The following ZNF451 variants were observed in gnomAD, a reference collection of about 807,000 sequenced individuals.
ZNF451 encodes zinc finger protein 451.
ZNF451 carries 80 observed loss-of-function variants against 107.1 expected under a neutral mutation model. The ratio of observed to expected loss-of-function variants is 0.75; its 90% CI spans 0.62 to 0.90. The LOEUF (loss-of-function observed/expected upper bound fraction) is 0.90, where lower values mean the gene tolerates loss of function less well. ZNF451 is among the 40% of genes least tolerant of loss of function. The pLI, the probability that ZNF451 is intolerant of heterozygous loss-of-function variation, is 0.00. For synonymous variants in ZNF451, 362 were observed against 406.5 expected (o/e 0.89, Z 1.32); for missense variants, 1,107 against 1,236.2 (o/e 0.90, Z 1.57).
intron 14 of ZNF451, among the ~76,000 whole-genome samples, chr6:57,163,052 A>C (rs993703373): frequency 6.6e-6 from 1 of 152,196 alleles, no homozygotes; most frequent in South Asian, 2.1e-4. Context: ...TGTGAGAAGC[A>C]TATGGTGGTT....
At chr6:57,165,464 T>C (rs192490601) in intron 14 of ZNF451, 5 of 151,880 alleles carry the variant, frequency 3.3e-5, no homozygotes, top group Admixed American at 6.5e-5. Context: ...TTGATTGATT[T>C]AGACTGAACT....
intron 3 of ZNF451, chr6:57,101,824 A>G: frequency 1.3e-6 from 2 of 1,550,508 alleles, no homozygotes; most frequent in Non-Finnish European, 1.7e-6. Flanking sequence ...CACTAAGAAA[A>G]CCCAGGAGAA....
At chr6:57,138,739 ATATGTGTGTGTGTG>A (rs1380653195) in intron 7 of ZNF451, among the ~76,000 whole-genome samples, 12 of 73,252 alleles carry the variant, frequency 1.6e-4, no homozygotes, top group South Asian at 4.6e-4. Flanking sequence ...ATATATATAT[ATATGTGTGTGTGTG>A]TGTGTGTGTG....
intron 3 of ZNF451, chr6:57,106,234 G>A: frequency 1.0e-6 from 1 of 985,238 alleles, no homozygotes; most frequent in Non-Finnish European, 1.2e-6. Context: ...CTAGTTGACT[G>A]GGATTCTGAT....
At chr6:57,095,386 G>A (rs1829244690) in intron 2 of ZNF451, among the ~76,000 whole-genome samples, 1 of 144,542 alleles carries the variant, frequency 6.9e-6, no homozygotes, top group African/African-American at 2.6e-5. Flanking sequence ...AGGCTGGAGT[G>A]CAGTGGCGTA....
chr6:57,110,310 A>G (rs961645428), intron 3 of ZNF451, among the ~76,000 whole-genome samples: 6 of 152,246 alleles, frequency 3.9e-5, no homozygotes, highest in African/African-American at 1.4e-4. Context: ...TACATATTCA[A>G]AGTGTGCTAA....
intron 4 of ZNF451, among the ~76,000 whole-genome samples, chr6:57,128,404 T>C (rs1831028623): frequency 6.6e-6 from 1 of 152,176 alleles, no homozygotes; most frequent in South Asian, 2.1e-4. Flanking sequence ...GGCGACCTAC[T>C]TGATATCCAA....
chr6:57,120,892 G>C (rs1187294914), intron 3 of ZNF451, among the ~76,000 whole-genome samples: 2 of 152,094 alleles, frequency 1.3e-5, no homozygotes, highest in Non-Finnish European at 2.9e-5. Flanking sequence ...GTTTAATGAA[G>C]TGCAGCTTAT....
At position 57,147,271 on chromosome 6, in the gene ZNF451, G is replaced by A. The variant is rs1832112995; in HGVS notation, c.1186G>A (p.Glu396Lys). 1.9e-6 allele frequency: 3 copies of A among 1,614,088 alleles called. No individual in the cohort carries two copies. Among genetic ancestry groups the A allele is most frequent in the Non-Finnish European group, 2.5e-6 (3 of 1,179,986 alleles). The stretch of plus-strand genomic sequence containing the variant: ...AGTCCGAGTCATTAACTCAGTGGAA[G>A]AATCAGTCTTACTCTATTGCCACAG... ...HKVRVINSVE[E>K]SVLLYCHSSE... Residue 396 changes from glutamate to lysine, a missense_variant, in exon 10 of 15, where the codon GAA becomes AAA. Physicochemically the swap from Glu to Lys is moderately conservative, Grantham distance 56 (BLOSUM62 1). This residue lies in a region of ZNF451 where 608 missense variants were observed against 649.2 expected (regional missense o/e 0.94). Transcript: ENST00000370706.
intron 2 of ZNF451, among the ~76,000 whole-genome samples, chr6:57,097,311 G>A (rs9370562): frequency 0.12 from 17,503 of 152,160 alleles, 1,222 homozygotes; most frequent in African/African-American, 0.18. Context: ...TAGCCTAGGG[G>A]AGAAAGAAGC....
At chr6:57,121,375 A>G (rs1376305541) in intron 3 of ZNF451, among the ~76,000 whole-genome samples, 1 of 152,174 alleles carries the variant, frequency 6.6e-6, no homozygotes, top group Admixed American at 6.5e-5. Context: ...TTGCCTCTCC[A>G]TATACACTTC....
intron 3 of ZNF451, chr6:57,102,608 TGTC>T (rs1317941761): frequency 1.0e-6 from 1 of 986,404 alleles, no homozygotes; most frequent in East Asian, 1.1e-4. Flanking sequence ...AATGTCTTTA[TGTC>T]AAGATGGTCA....
chr6:57,139,251 T>G (rs1348905722), intron 7 of ZNF451, among the ~76,000 whole-genome samples: 1 of 151,992 alleles, frequency 6.6e-6, no homozygotes, highest in Admixed American at 6.6e-5. Flanking sequence ...ATAACCAAGA[T>G]TGGAAAGCTG....
At chr6:57,124,555 A>C in intron 3 of ZNF451, 179 bp from the exon 4 acceptor site, 1 of 703,202 alleles carries the variant, frequency 1.4e-6, no homozygotes, top group Non-Finnish European at 2.6e-6. Flanking sequence ...TTGAAAACCA[A>C]AGATGCTGGT....
chr6:57,160,877 A>G lies in ZNF451; in HGVS notation c.3071-207A>G, dbSNP rs111396419. On this transcript the variant is annotated intron_variant, in intron 13 of 14. Transcript: ENST00000370706. The stretch of plus-strand genomic sequence containing the variant: ...GTGTTATCTCCATAGAGATGAATGC[A>G]TATGATTTTCAAAACAGGAGAATTT... 146 of 418,332 alleles carry G rather than the reference A, an allele frequency of 3.5e-4. 2 individuals are homozygous for G. The highest frequency in any genetic ancestry group is 2.4e-3 in the African/African-American group (117 of 48,634). 25.9% of individuals were successfully genotyped at this position (418,332 alleles called of 1,614,324 possible).
chr6:57,140,717 T>A (rs1005327838), intron 7 of ZNF451, among the ~76,000 whole-genome samples: 12 of 152,294 alleles, frequency 7.9e-5, no homozygotes, highest in African/African-American at 2.9e-4. Flanking sequence ...TTGAATAGAT[T>A]GACACCATGG....
intron 5 of ZNF451, among the ~76,000 whole-genome samples, chr6:57,132,293 C>T (rs1206561223): frequency 6.6e-6 from 1 of 152,198 alleles, no homozygotes; most frequent in Non-Finnish European, 1.5e-5. Context: ...CTCCTTGCTT[C>T]CCTGCTTTCT....
chr6:57,105,861 GCTTC>G, intron 3 of ZNF451: 1 of 984,380 alleles, frequency 1.0e-6, no homozygotes, highest in Middle Eastern at 5.2e-4. Flanking sequence ...ATGAATGACA[GCTTC>G]CTTATCAGTA....
At chr6:57,111,419 C>T (rs796463765) in intron 3 of ZNF451, among the ~76,000 whole-genome samples, 4 of 149,534 alleles carry the variant, frequency 2.7e-5, no homozygotes, top group African/African-American at 9.9e-5. Context: ...CTCACTCTGT[C>T]GCTGAGGCTA....
Sources: gnomAD v4.1 joint callset for allele counts (sites outside exome capture counted in the v4.1 genomes callset) on GRCh38, gnomAD v4.1.1 for gene constraint, gnomAD v4.1.1 regional missense constraint, MANE v1.5 for transcripts, NCBI Gene and HGNC (gene_info 2026-07-23, HGNC 2026-07-21) for gene names.